The following LIN54 variants were observed in gnomAD, a reference collection of about 807,000 sequenced individuals.
LIN54 encodes protein lin-54 homolog.
In LIN54, 9 loss-of-function variants were observed where a neutral mutation model predicts 78.7. The observed-to-expected ratio is 0.11, with a 90% CI of 0.07 to 0.20. The LOEUF (loss-of-function observed/expected upper bound fraction) is 0.20. Among genes scored for constraint, LIN54 ranks in the 10% least tolerant of loss-of-function variants. The pLI is 1.00. For synonymous variants in LIN54, 269 were observed against 318.4 expected (o/e 0.84, Z 1.65); for missense variants, 573 against 889.9 (o/e 0.64, Z 4.53).
At chr4:82,934,541 A>G (rs150514215) in intron 11 of LIN54, among the ~76,000 whole-genome samples, 238 of 152,296 alleles carry the variant, frequency 1.6e-3, no homozygotes, top group African/African-American at 5.5e-3. Flanking sequence ...GGAGTATTTG[A>G]CTTTGTAAAT....
At chr4:82,941,149 G>GATATATATATATAT (rs3081913) in intron 5 of LIN54, among the ~76,000 whole-genome samples, 1,605 of 130,988 alleles carry the variant, frequency 0.012, 25 homozygotes, top group East Asian at 0.036. Context: ...GAGTTAAGAG[G>GATATATATATATAT]ATATATATAT....
intron 3 of LIN54, among the ~76,000 whole-genome samples, chr4:82,973,347 C>G (rs1725844625): frequency 6.6e-6 from 1 of 152,140 alleles, no homozygotes; most frequent in Non-Finnish European, 1.5e-5. Flanking sequence ...ACCTTGATAT[C>G]CTTTGAAATT....
At chr4:82,963,681 TA>T (rs56008629) in intron 4 of LIN54, among the ~76,000 whole-genome samples, 146,916 of 147,952 alleles carry the variant, frequency 0.99, 72,940 homozygotes, top group Middle Eastern at 1. Flanking sequence ...GAGCAACCAC[TA>T]AAAAAAAAAA....
intron 1 of LIN54, among the ~76,000 whole-genome samples, chr4:83,000,827 C>CTTTTTTT (rs1553959274): frequency 2.0e-4 from 24 of 120,532 alleles, no homozygotes; most frequent in African/African-American, 5.5e-4. Context: ...GCAATAAATT[C>CTTTTTTT]TTTTTTTTTT....
At chr4:82,965,034 T>A (rs1210038819) in intron 4 of LIN54, among the ~76,000 whole-genome samples, 9 of 151,934 alleles carry the variant, frequency 5.9e-5, no homozygotes, top group Non-Finnish European at 1.3e-4. Context: ...AAAAAATAAA[T>A]TTTTTTTAAA....
intron 1 of LIN54, among the ~76,000 whole-genome samples, chr4:82,993,130 A>C (rs1434022115): frequency 6.6e-6 from 1 of 150,572 alleles, no homozygotes; most frequent in Non-Finnish European, 1.5e-5. Flanking sequence ...CTCAGCATGC[A>C]CCACTGTGCC....
chr4:82,968,774 CT>C (rs1725422310), intron 4 of LIN54, among the ~76,000 whole-genome samples: 1 of 152,146 alleles, frequency 6.6e-6, no homozygotes, highest in Non-Finnish European at 1.5e-5. Flanking sequence ...ACAGGCTCAC[CT>C]TCCCCCAAAC....
intron 1 of LIN54, among the ~76,000 whole-genome samples, chr4:82,997,104 T>G (rs1254237727): frequency 2.0e-5 from 3 of 152,130 alleles, no homozygotes; most frequent in Non-Finnish European, 4.4e-5. Flanking sequence ...CCATCCCCTG[T>G]GCCTATAACA....
At chr4:82,943,494 T>C (rs1471799755) in intron 5 of LIN54, among the ~76,000 whole-genome samples, 2 of 152,196 alleles carry the variant, frequency 1.3e-5, no homozygotes, top group Non-Finnish European at 2.9e-5. Flanking sequence ...AGCAACTATT[T>C]AGTGTAACTC....
At chr4:83,001,883 G>A (rs367972916) in intron 1 of LIN54, among the ~76,000 whole-genome samples, 3,126 of 3,712 alleles carry the variant, frequency 0.84, 1,410 homozygotes, top group Non-Finnish European at 0.93. Context: ...AGGAAGGAAG[G>A]AAGGAAGGAA....
At chr4:82,947,232 TATA>T (rs1488573424) in intron 4 of LIN54, among the ~76,000 whole-genome samples, 2 of 45,320 alleles carry the variant, frequency 4.4e-5, no homozygotes, top group Admixed American at 2.6e-4. Context: ...TATATATATA[TATA>T]TTTTTTTTTT....
chr4:82,996,817 G>T (rs1044799274), intron 1 of LIN54, among the ~76,000 whole-genome samples: 1 of 151,926 alleles, frequency 6.6e-6, no homozygotes, highest in African/African-American at 2.4e-5. Context: ...GTTTAAGTCC[G>T]GTGAGAGTTA....
chr4:83,003,609 C>G (rs1729050838), intron 1 of LIN54: 1 of 152,240 alleles, frequency 6.6e-6, no homozygotes, highest in African/African-American at 2.4e-5. Context: ...TCACAGCAAC[C>G]TCCACCTGGG....
At chr4:82,988,337 G>A (rs1182824432) in intron 1 of LIN54, among the ~76,000 whole-genome samples, 6 of 151,964 alleles carry the variant, frequency 3.9e-5, no homozygotes, top group East Asian at 1.9e-4. Context: ...TATCTTTATC[G>A]TTTTACTTAT....
chr4:83,010,430 C>CCCCCCAAAAA, intron 1 of LIN54, 54 bp downstream of exon 1: 2 of 577,002 alleles, frequency 3.5e-6, no homozygotes, highest in Non-Finnish European at 4.5e-6. Context: ...CCCATCCCCC[C>CCCCCCAAAAA]AAATAAAGAG....
At chr4:82,954,219 A>G (rs976455125) in intron 4 of LIN54, among the ~76,000 whole-genome samples, 2 of 152,160 alleles carry the variant, frequency 1.3e-5, no homozygotes, top group African/African-American at 4.8e-5. Context: ...ATTATATAGA[A>G]CAAACCACAG....
At chr4:82,979,677 G>A (rs146128145) in intron 2 of LIN54, among the ~76,000 whole-genome samples, 2,440 of 152,024 alleles carry the variant, frequency 0.016, 34 homozygotes, top group Non-Finnish European at 0.023. Context: ...AGTGGCTCAC[G>A]CCTGTAATCC....
In LIN54 at chr4:82,925,672, T is replaced by C. The variant is rs556731454; in HGVS notation, c.*2430A>G. The stretch of plus-strand genomic sequence containing the variant: ...AAAAGGTTTTTTGCATATTAAATGG[T>C]TAATAAAGTGGTGTTATTATACTAA... On this transcript the variant is annotated 3_prime_UTR_variant, in exon 13 of 13. Transcript: ENST00000340417. 7 of 152,670 alleles carry C rather than the reference T, an allele frequency of 4.6e-5. No homozygotes were observed. Among genetic ancestry groups the C allele is most frequent in the Non-Finnish European group, 7.3e-5 (5 of 68,050 alleles). 9.5% of individuals were successfully genotyped at this position (152,670 alleles called of 1,614,324 possible). A position where few individuals can be genotyped will look rare whatever the true frequency, so the allele number is the denominator to read the frequency against.
chr4:82,987,250 C>T lies in LIN54; in HGVS notation c.-32-2374G>A, dbSNP rs564577647. On this transcript the variant is annotated intron_variant, in intron 1 of 12. Coordinates refer to ENST00000340417, the MANE Select transcript of LIN54 (RefSeq NM_194282.4). ...AGGTTGCAGTGAGCCAAGATCGTGC[C>T]ACTGCACTCCAGCCTGGGCAACAGA... Among the ~76,000 whole-genome samples the T allele has an allele frequency of 2.6e-5, 4 of 152,322 alleles. No individual in the cohort carries two copies. The South Asian group carries it at 6.2e-4, about 24-fold the overall frequency.
Sources: gnomAD v4.1 joint callset for allele counts (sites outside exome capture counted in the v4.1 genomes callset) on GRCh38, gnomAD v4.1.1 for gene constraint, MANE v1.5 for transcripts, NCBI Gene and HGNC (gene_info 2026-07-23, HGNC 2026-07-21) for gene names.